Variants in SLC25A53 observed in about 807,000 individuals in gnomAD.
SLC25A53 encodes the protein solute carrier family 25 member 53.
SLC25A53 carries 5 observed loss-of-function variants against 15.0 expected under a neutral mutation model. That is an observed-to-expected ratio of 0.33 (90% confidence interval 0.17 to 0.70). The LOEUF is 0.70. Among genes scored for constraint, SLC25A53 ranks in the 30% least tolerant of loss-of-function variants. The pLI is 0.67. For synonymous variants in SLC25A53, 95 were observed against 100.0 expected (o/e 0.95, Z 0.30); for missense variants, 216 against 241.6 (o/e 0.89, Z 0.70).
At chrX:104,139,075 G>T (rs2075444281) in intron 1 of SLC25A53, among the ~76,000 whole-genome samples, 1 of 112,418 alleles carries the variant, frequency 8.9e-6, no homozygotes, top group South Asian at 3.6e-4. Context: ...GCCTAGCCAG[G>T]GACCACACTC....
chrX:104,107,774 C>T (rs2075319040), intron 1 of SLC25A53, among the ~76,000 whole-genome samples: 1 of 111,813 alleles, frequency 8.9e-6, no homozygotes, highest in African/African-American at 3.3e-5. Flanking sequence ...GCACCTACCC[C>T]AGAAAGGCCA....
intron 1 of SLC25A53, among the ~76,000 whole-genome samples, chrX:104,135,319 C>T (rs1556366268): frequency 9.1e-6 from 1 of 109,818 alleles, no homozygotes; most frequent in Non-Finnish European, 1.9e-5. Flanking sequence ...ATTTTCACTC[C>T]TAACCTCTTT....
chrX:104,156,839 ATG>A (rs1258788000), intron 1 of SLC25A53, 37 bp downstream of exon 1: 1 of 111,530 alleles, frequency 9.0e-6, no homozygotes, highest in East Asian at 2.8e-4. Flanking sequence ...TGGAAGCAGG[ATG>A]TGTCTACGCC....
chrX:104,135,796 T>C (rs1202254601), intron 1 of SLC25A53, among the ~76,000 whole-genome samples: 1 of 112,186 alleles, frequency 8.9e-6, no homozygotes, highest in African/African-American at 3.2e-5. Context: ...ATCTACTATG[T>C]ACTGGAGCCT....
intron 1 of SLC25A53, among the ~76,000 whole-genome samples, chrX:104,155,714 C>T (rs782240060): frequency 9.0e-6 from 1 of 110,727 alleles, no homozygotes; most frequent in South Asian, 3.8e-4. Flanking sequence ...GCCTGGAAGT[C>T]CCATTGTGAT....
At chrX:104,156,307 A>G (rs1164881087) in intron 1 of SLC25A53, among the ~76,000 whole-genome samples, 1 of 111,166 alleles carries the variant, frequency 9.0e-6, no homozygotes, top group African/African-American at 3.3e-5. Context: ...CACAGGATCT[A>G]TCTCTGTCTC....
intron 1 of SLC25A53, among the ~76,000 whole-genome samples, chrX:104,106,545 G>A (rs1348449128): frequency 9.0e-6 from 1 of 111,084 alleles, no homozygotes; most frequent in Non-Finnish European, 1.9e-5. Context: ...AGACCCACAA[G>A]TTTCACACAG....
At chrX:104,141,197 G>A (rs1317028812) in intron 1 of SLC25A53, among the ~76,000 whole-genome samples, 2 of 111,713 alleles carry the variant, frequency 1.8e-5, no homozygotes, top group Non-Finnish European at 3.8e-5. Context: ...ACTGATCTTT[G>A]TGGCCTTTTA....
At chrX:104,149,740 T>A (rs1556370007) in intron 1 of SLC25A53, among the ~76,000 whole-genome samples, 1 of 111,806 alleles carries the variant, frequency 8.9e-6, no homozygotes, top group Non-Finnish European at 1.9e-5. Flanking sequence ...TGACCCTACT[T>A]CTCAATGGAA....
intron 1 of SLC25A53, chrX:104,114,256 T>C: frequency 2.5e-6 from 3 of 1,209,501 alleles, no homozygotes; most frequent in Non-Finnish European, 3.4e-6. Context: ...GAAGTTGTTC[T>C]CAGGAAGAGT....
chrX:104,132,050 A>C (rs1331080844), intron 1 of SLC25A53, among the ~76,000 whole-genome samples: 5 of 112,214 alleles, frequency 4.5e-5, no homozygotes, highest in Non-Finnish European at 9.4e-5. Context: ...AACTTGCTAA[A>C]AAGCTTGTCA....
At chrX:104,142,751 T>C (rs2075454354) in intron 1 of SLC25A53, among the ~76,000 whole-genome samples, 1 of 103,976 alleles carries the variant, frequency 9.6e-6, no homozygotes, top group African/African-American at 3.5e-5. Context: ...CTGTCTCTAC[T>C]AAAACTACAA....
chrX:104,152,214 C>T (rs1430491937), intron 1 of SLC25A53, among the ~76,000 whole-genome samples: 1 of 96,300 alleles, frequency 1.0e-5, no homozygotes, highest in Non-Finnish European at 2.1e-5. Flanking sequence ...TCTCCTAATG[C>T]TATCCCTCCC....
chrX:104,121,497 G>A (rs1463925656), intron 1 of SLC25A53, among the ~76,000 whole-genome samples: 1 of 110,962 alleles, frequency 9.0e-6, no homozygotes, highest in African/African-American at 3.3e-5. Context: ...CAGAAAGAGA[G>A]GTGGCCTGTG....
At chrX:104,147,637 A>G (rs189378617) in intron 1 of SLC25A53, among the ~76,000 whole-genome samples, 4,501 of 109,181 alleles carry the variant, frequency 0.041, 260 homozygotes, top group African/African-American at 0.14. Context: ...AAAAGTGGGC[A>G]AAGGACATGA....
chrX:104,104,513 G>C lies in SLC25A53; in HGVS notation c.745C>G (p.Pro249Ala). ...TCCTGGGCAGAGGCCCACAGGCTTG[G>C]CATGTTCTGCCATCCAATATGGGAC... ...MQSHIGWQNM[P>A]SLWASAQDVW... Residue 249 changes from proline (P) to alanine (A), a missense_variant, in exon 2 of 2, where the codon CCA becomes GCA. Physicochemically the swap from Pro to Ala is conservative, Grantham distance 27. Transcript: ENST00000594199. 1 of 1,211,847 alleles carries C rather than the reference G, an allele frequency of 8.3e-7. No homozygotes were observed. The highest frequency in any genetic ancestry group is 1.1e-6 in the Non-Finnish European group (1 of 895,540).
intron 1 of SLC25A53, among the ~76,000 whole-genome samples, chrX:104,148,432 C>T (rs2075475355): frequency 9.2e-6 from 1 of 109,270 alleles, no homozygotes; most frequent in Non-Finnish European, 1.9e-5. Flanking sequence ...GCACATGTAC[C>T]CTGAAACTTA....
At chrX:104,116,062 TTAA>T (rs782291769) in intron 1 of SLC25A53, among the ~76,000 whole-genome samples, 21 of 108,771 alleles carry the variant, frequency 1.9e-4, no homozygotes, top group African/African-American at 7.1e-4. Flanking sequence ...CACCCATGAG[TTAA>T]TAATGTTCCA....
intron 1 of SLC25A53, among the ~76,000 whole-genome samples, chrX:104,111,546 A>G (rs1278992305): frequency 1.8e-5 from 2 of 111,557 alleles, no homozygotes; most frequent in Non-Finnish European, 3.8e-5. Flanking sequence ...AAAGAAAAGT[A>G]CCAAGAAGAG....
Sources: gnomAD v4.1 joint callset for allele counts (sites outside exome capture counted in the v4.1 genomes callset) on GRCh38, gnomAD v4.1.1 for gene constraint, MANE v1.5 for transcripts, NCBI Gene and HGNC (gene_info 2026-07-23, HGNC 2026-07-21) for gene names.